RBFOX1: variants seen among roughly 807,000 people sequenced by gnomAD.
The protein encoded by RBFOX1 is RNA binding fox-1 homolog 1, also known as RNA binding protein fox-1 homolog 1.
Under a neutral mutation model 57.7 loss-of-function variants are expected in RBFOX1, and 8 were observed. The observed-to-expected ratio is 0.14, with a 90% CI of 0.08 to 0.25. The LOEUF (loss-of-function observed/expected upper bound fraction) is 0.25, where lower values mean the gene tolerates loss of function less well. Among genes scored for constraint, RBFOX1 ranks in the 10% least tolerant of loss-of-function variants. RBFOX1 has a pLI of 1.00. For missense variants in RBFOX1, 611 were observed against 548.5 expected (o/e 1.11, Z -1.14); for synonymous variants, 326 against 222.4 (o/e 1.47, Z -4.15).
At chr16:6,451,302 C>G (rs770659744) in intron 2 of RBFOX1, among the ~76,000 whole-genome samples, 3 of 152,084 alleles carry the variant, frequency 2.0e-5, no homozygotes, top group African/African-American at 4.8e-5. Context: ...ATGGAAGTAT[C>G]AACATTAGGA....
intron 4 of RBFOX1, among the ~76,000 whole-genome samples, chr16:7,307,167 A>G (rs886573862): frequency 3.3e-5 from 5 of 152,230 alleles, no homozygotes; most frequent in African/African-American, 1.2e-4. Flanking sequence ...AGCATTTATC[A>G]TTTTGTTTTA....
rs141851610 is a variant in RBFOX1 at position 6,885,236 on chromosome 16, G to C, written c.-15-166821G>C. 8.8e-4 allele frequency among the ~76,000 whole-genome samples: 134 copies of C among 152,246 alleles called. 1 individual carries two copies. Among genetic ancestry groups the C allele is most frequent in the African/African-American group, 3.2e-3 (131 of 41,556 alleles). On this transcript the variant is annotated intron_variant, in intron 3 of 15. Transcript: ENST00000550418. ...CTAGAACTGTGGTTTTTCAGATGTG[G>C]TCTCCAGTCCAGCAGCGTCAGCATC...
chr16:6,219,671 T>A (rs933486998), intron 1 of RBFOX1, among the ~76,000 whole-genome samples: 6 of 152,012 alleles, frequency 3.9e-5, no homozygotes, highest in Non-Finnish European at 8.8e-5. Context: ...GGTCAGGAGT[T>A]CAAGACCAGC....
In RBFOX1 at chr16:5,700,640, C is replaced by T. The variant is rs548414418; in HGVS notation, c.318+101679C>T. On this transcript the variant is annotated intron_variant, in intron 3 of 19. Transcript: ENST00000641259. ...TGTGTTTTCAACTCTGGAAAATTCT[C>T]CATAATGATGTCTTCAATTTCTTCA... Among the ~76,000 whole-genome samples the T allele has an allele frequency of 6.9e-4, 105 of 152,298 alleles. 1 individual carries two copies. The South Asian group carries it at 0.02, about 29-fold the overall frequency.
At chr16:6,952,703 C>T (rs946456793) in intron 3 of RBFOX1, among the ~76,000 whole-genome samples, 1 of 152,038 alleles carries the variant, frequency 6.6e-6, no homozygotes, top group Admixed American at 6.6e-5. Context: ...TAGGGCCGGG[C>T]ACGGTGGCTC....
intron 3 of RBFOX1, among the ~76,000 whole-genome samples, chr16:5,769,193 A>G (rs1056371551): frequency 1.3e-5 from 2 of 152,186 alleles, no homozygotes; most frequent in Non-Finnish European, 2.9e-5. Flanking sequence ...CATCAACTAA[A>G]TTATGTCCCC....
intron 3 of RBFOX1, among the ~76,000 whole-genome samples, chr16:5,864,321 T>C (rs1008005205): frequency 6.6e-6 from 1 of 152,228 alleles, no homozygotes; most frequent in Non-Finnish European, 1.5e-5. Context: ...TTTAAACGTA[T>C]ATTTAATTTT....
intron 3 of RBFOX1, among the ~76,000 whole-genome samples, chr16:6,978,993 C>G (rs1185653988): frequency 1.3e-5 from 2 of 152,160 alleles, no homozygotes; most frequent in Non-Finnish European, 2.9e-5. Flanking sequence ...AAACTGTTGA[C>G]TCTTTCTGAC....
chr16:7,056,348 T>G (rs1048399647), intron 4 of RBFOX1, among the ~76,000 whole-genome samples: 3 of 152,170 alleles, frequency 2.0e-5, no homozygotes, highest in Admixed American at 6.5e-5. Flanking sequence ...CTGAGTGTTC[T>G]TCTGAGCTTG....
chr16:5,678,920 T>G (rs770347185), intron 3 of RBFOX1, among the ~76,000 whole-genome samples: 4 of 152,232 alleles, frequency 2.6e-5, no homozygotes, highest in Non-Finnish European at 4.4e-5. Context: ...GAGCGATGGC[T>G]TAATTAATGG....
chr16:6,930,318 TAAG>T (rs756284417), intron 3 of RBFOX1, among the ~76,000 whole-genome samples: 6 of 152,216 alleles, frequency 3.9e-5, no homozygotes, highest in South Asian at 2.1e-4. Context: ...AATATGCACA[TAAG>T]AAGATACCTA....
intron 4 of RBFOX1, among the ~76,000 whole-genome samples, chr16:5,977,506 C>G (rs770656747): frequency 5.3e-5 from 8 of 152,188 alleles, no homozygotes; most frequent in African/African-American, 1.9e-4. Flanking sequence ...CCAAGTCGCT[C>G]TGGAGAGAGC....
intron 4 of RBFOX1, among the ~76,000 whole-genome samples, chr16:5,964,415 A>C (rs78224412): frequency 0.043 from 6,522 of 152,254 alleles, 266 homozygotes; most frequent in East Asian, 0.18. Flanking sequence ...AAAGGAAATA[A>C]AGAGAGGACT....
At chr16:6,543,404 C>T (rs1478774222) in intron 2 of RBFOX1, among the ~76,000 whole-genome samples, 2 of 152,106 alleles carry the variant, frequency 1.3e-5, no homozygotes, top group East Asian at 3.9e-4. Context: ...AGACTCTGCG[C>T]ACCTTTATTG....
chr16:6,977,325 T>C (rs924443458), intron 3 of RBFOX1, among the ~76,000 whole-genome samples: 1 of 152,020 alleles, frequency 6.6e-6, no homozygotes. Flanking sequence ...CAAGAATTGA[T>C]ATTATGATCT....
At chr16:5,919,926 T>G (rs11076988) in intron 4 of RBFOX1, among the ~76,000 whole-genome samples, 1 of 151,896 alleles carries the variant, frequency 6.6e-6, no homozygotes, top group Non-Finnish European at 1.5e-5. Context: ...TTCATCCATA[T>G]TGAAACATAT....
chr16:6,864,686 C>T (rs770843867), intron 3 of RBFOX1, among the ~76,000 whole-genome samples: 1 of 151,818 alleles, frequency 6.6e-6, no homozygotes. Context: ...CTTTTAAAGC[C>T]TTTCAATAAT....
At chr16:7,006,201 C>A (rs973875978) in intron 3 of RBFOX1, among the ~76,000 whole-genome samples, 3 of 152,174 alleles carry the variant, frequency 2.0e-5, no homozygotes, top group African/African-American at 7.2e-5. Flanking sequence ...TGTTGCCAGG[C>A]TGGAGTGCAG....
At chr16:5,427,230 C>A (rs929796288) in intron 1 of RBFOX1, among the ~76,000 whole-genome samples, 1 of 152,196 alleles carries the variant, frequency 6.6e-6, no homozygotes, top group African/African-American at 2.4e-5. Context: ...TACCTGTGTA[C>A]ATCAAAAGAG....
Sources: allele counts gnomAD v4.1 joint callset (sites outside exome capture counted in the v4.1 genomes callset), GRCh38; gene constraint gnomAD v4.1.1; transcripts MANE v1.5; gene names NCBI Gene and HGNC (gene_info 2026-07-23, HGNC 2026-07-21).